GALNTL6: variants seen among roughly 807,000 people sequenced by gnomAD.
GALNTL6 encodes the protein polypeptide N-acetylgalactosaminyltransferase-like 6.
In GALNTL6, 46 loss-of-function variants were observed where a neutral mutation model predicts 73.7. The ratio of observed to expected loss-of-function variants is 0.62; its 90% CI spans 0.49 to 0.80. The LOEUF is 0.80. Ranked by LOEUF, GALNTL6 falls within the 30% of genes least tolerant of loss-of-function variation. The pLI is 0.00. For synonymous variants in GALNTL6, 259 were observed against 263.7 expected (o/e 0.98, Z 0.17); for missense variants, 604 against 755.0 (o/e 0.80, Z 2.34).
chr4:172,883,015 T>C (rs1745540387), intron 8 of GALNTL6, 108 bp downstream of exon 8: 1 of 642,892 alleles, frequency 1.6e-6, no homozygotes, highest in East Asian at 2.8e-5. Context: ...TTAATGGTAA[T>C]AGATGTATCA....
rs1435091961 is a variant in GALNTL6, at chr4:172,511,228, C to T, written c.553+162539C>T. ...TCCTCTAGGTTTTCTAGTTTGTGCA[C>T]ATAAATATATTCATAGTAGCCTTCA... On this transcript the variant is annotated intron_variant, in intron 5 of 12. Transcript: ENST00000506823. 1.1e-4 allele frequency among the ~76,000 whole-genome samples: 6 copies of T among 54,598 alleles called. 3 individuals carry two copies. Among genetic ancestry groups the T allele is most frequent in the African/African-American group, 2.7e-4 (6 of 22,012 alleles). 35.8% of individuals were successfully genotyped at this position (54,598 alleles called of 152,430 possible).
chr4:172,177,812 T>TACAC (rs777948165), intron 2 of GALNTL6, among the ~76,000 whole-genome samples: 190 of 129,178 alleles, frequency 1.5e-3, no homozygotes, highest in African/African-American at 6.7e-3. Context: ...CACACATATA[T>TACAC]GTGTGTGTAT....
At chr4:172,734,249 C>G (rs1354946444) in intron 5 of GALNTL6, among the ~76,000 whole-genome samples, 1 of 152,156 alleles carries the variant, frequency 6.6e-6, no homozygotes, top group African/African-American at 2.4e-5. Flanking sequence ...AATTTTGCAG[C>G]CTGCTGATGC....
intron 3 of GALNTL6, among the ~76,000 whole-genome samples, chr4:172,256,231 C>T: frequency 6.6e-6 from 1 of 151,292 alleles, no homozygotes; most frequent in East Asian, 1.9e-4. Context: ...AATCCAGCTG[C>T]AACAACCATT....
In GALNTL6 at chr4:172,177,694, A is replaced by G. The variant is rs140000255; in HGVS notation, c.139-51962A>G. On this transcript the variant is annotated intron_variant, in intron 2 of 12. Transcript: ENST00000506823. The stretch of plus-strand genomic sequence containing the variant: ...TTTATATTCATGTAACACTGAACTA[A>G]TAGTAATATATATGTTTACTTAGTA... 2.0e-3 allele frequency among the ~76,000 whole-genome samples: 276 copies of G among 138,414 alleles called. No individual in the cohort carries two copies. The East Asian group carries it at 0.026, about 13-fold the overall frequency. 90.8% of individuals were successfully genotyped at this position (138,414 alleles called of 152,430 possible).
chr4:172,073,725 A>G (rs1190361305), intron 2 of GALNTL6, among the ~76,000 whole-genome samples: 1 of 152,242 alleles, frequency 6.6e-6, no homozygotes, highest in African/African-American at 2.4e-5. Context: ...GCCTGAAGCT[A>G]GAGACAGCAG....
intron 2 of GALNTL6, among the ~76,000 whole-genome samples, chr4:172,030,297 C>G (rs568593922): frequency 6.6e-6 from 1 of 151,920 alleles, no homozygotes; most frequent in African/African-American, 2.4e-5. Flanking sequence ...AATATGATAC[C>G]TATTTTCTTA....
chr4:172,688,604 C>A lies in GALNTL6; in HGVS notation c.554-120757C>A, dbSNP rs1733073382. ...ATATTCCTTCACTAGACATATCATG[C>A]TAAATGAAAATGCACTTTTAGTAAG... is the stretch of plus-strand genomic sequence containing the variant. On this transcript the variant is annotated intron_variant, in intron 5 of 12. Transcript: ENST00000506823. Among the ~76,000 whole-genome samples the A allele has an allele frequency of 2.0e-5, 3 of 152,182 alleles. No individual in the cohort carries two copies. The South Asian group carries it at 6.2e-4, about 31-fold the overall frequency.
intron 10 of GALNTL6, among the ~76,000 whole-genome samples, chr4:172,980,428 A>G (rs978523213): frequency 1.3e-5 from 2 of 152,186 alleles, no homozygotes; most frequent in Non-Finnish European, 2.9e-5. Flanking sequence ...CATCTTTATT[A>G]GTCACCTCTG....
intron 5 of GALNTL6, among the ~76,000 whole-genome samples, chr4:172,486,612 A>G (rs1733679917): frequency 2.6e-5 from 4 of 152,198 alleles, no homozygotes; most frequent in Admixed American, 2.6e-4. Context: ...AGCCTAGATC[A>G]CCATTATGAT....
At chr4:172,577,105 G>A (rs1736984613) in intron 5 of GALNTL6, among the ~76,000 whole-genome samples, 2 of 152,156 alleles carry the variant, frequency 1.3e-5, no homozygotes, top group Admixed American at 6.5e-5. Context: ...GTCTCCACTA[G>A]AGCCCATTCA....
At chr4:171,876,028 C>T (rs1201972247) in intron 2 of GALNTL6, among the ~76,000 whole-genome samples, 1 of 151,908 alleles carries the variant, frequency 6.6e-6, no homozygotes, top group African/African-American at 2.4e-5. Context: ...AATAATATTA[C>T]CCTACTTTTA....
chr4:172,352,629 T>C (rs1234794713), intron 5 of GALNTL6, among the ~76,000 whole-genome samples: 1 of 152,164 alleles, frequency 6.6e-6, no homozygotes, highest in Non-Finnish European at 1.5e-5. Flanking sequence ...TAGGGTATAT[T>C]TGAACTTGAC....
intron 5 of GALNTL6, among the ~76,000 whole-genome samples, chr4:172,698,693 C>G (rs1027523027): frequency 6.6e-6 from 1 of 152,194 alleles, no homozygotes; most frequent in Admixed American, 6.5e-5. Context: ...ATGGGAGTCA[C>G]ATAAATTCTC....
intron 2 of GALNTL6, among the ~76,000 whole-genome samples, chr4:172,146,916 C>T (rs551739679): frequency 1.7e-4 from 26 of 152,060 alleles, no homozygotes; most frequent in Non-Finnish European, 3.2e-4. Flanking sequence ...TGTAGTTTTG[C>T]TGATATAGAA....
intron 7 of GALNTL6, among the ~76,000 whole-genome samples, chr4:172,879,083 C>T (rs141492134): frequency 6.6e-6 from 1 of 151,650 alleles, no homozygotes; most frequent in African/African-American, 2.4e-5. Flanking sequence ...ACAAAAAAGC[C>T]TGAACATTTA....
intron 5 of GALNTL6, among the ~76,000 whole-genome samples, chr4:172,800,021 A>G (rs1484455084): frequency 6.6e-6 from 1 of 152,174 alleles, no homozygotes; most frequent in Admixed American, 6.5e-5. Context: ...AGTCACATAA[A>G]GAAAACCTGT....
chr4:172,294,503 G>T (rs1341323490), intron 3 of GALNTL6, among the ~76,000 whole-genome samples: 2 of 152,076 alleles, frequency 1.3e-5, no homozygotes, highest in Non-Finnish European at 2.9e-5. Flanking sequence ...GGGGGCAGGG[G>T]TATCACTTTG....
chr4:172,764,885 A>G (rs896382434), intron 5 of GALNTL6, among the ~76,000 whole-genome samples: 1 of 152,230 alleles, frequency 6.6e-6, no homozygotes, highest in African/African-American at 2.4e-5. Flanking sequence ...AGTTATCTTA[A>G]AATAAGTTTA....
Sources: allele counts gnomAD v4.1 joint callset (sites outside exome capture counted in the v4.1 genomes callset), GRCh38; gene constraint gnomAD v4.1.1; transcripts MANE v1.5; gene names NCBI Gene and HGNC (gene_info 2026-07-23, HGNC 2026-07-21).